The following MOB1B variants were observed in gnomAD, a reference collection of about 807,000 sequenced individuals.
The protein encoded by MOB1B is MOB kinase activator 1B.
Under a neutral mutation model 24.4 loss-of-function variants are expected in MOB1B, and 19 were observed. That is an observed-to-expected ratio of 0.78 (90% CI 0.54 to 1.14). MOB1B has a LOEUF of 1.14. Ranked by LOEUF, MOB1B falls within the 50% of genes most tolerant of loss-of-function variation. The pLI is 0.00. For missense variants in MOB1B, 243 were observed against 259.6 expected (o/e 0.94, Z 0.44); for synonymous variants, 76 against 82.1 (o/e 0.93, Z 0.40).
intron 1 of MOB1B, among the ~76,000 whole-genome samples, chr4:70,929,836 G>T (rs996366358): frequency 7.3e-5 from 11 of 151,686 alleles, no homozygotes; most frequent in African/African-American, 2.2e-4. Flanking sequence ...TAGTAGAGAC[G>T]GGGTTTCGCC....
chr4:70,905,821 T>G (rs1229188357), intron 1 of MOB1B, among the ~76,000 whole-genome samples: 1 of 151,838 alleles, frequency 6.6e-6, no homozygotes, highest in African/African-American at 2.4e-5. Context: ...TTCCAACACT[T>G]TGGGAGGCTG....
intron 1 of MOB1B, among the ~76,000 whole-genome samples, chr4:70,928,105 T>G (rs2148877317): frequency 6.6e-6 from 1 of 152,238 alleles, no homozygotes; most frequent in Admixed American, 6.5e-5. Context: ...TTAGATACCA[T>G]TTCAGTGCCC....
In MOB1B at chr4:70,979,181, C is replaced by T. The variant is rs1739109845; in HGVS notation, c.463C>T (p.Leu155Phe). The T allele has an allele frequency of 6.8e-6, 11 of 1,613,834 alleles. No individual in the cohort carries two copies. Among genetic ancestry groups the T allele is most frequent in the Non-Finnish European group, 9.3e-6 (11 of 1,179,838 alleles). Residue 155 changes from leucine to phenylalanine, a missense_variant, in exon 5 of 6, where the codon CTC (leucine) becomes TTC (phenylalanine). Leu to Phe is a conservative substitution (Grantham distance 22). Coordinates refer to ENST00000309395, the MANE Select transcript of MOB1B (RefSeq NM_173468.4). ...TGTGGCAAAAACTATACTCAAACGC[C>T]TCTTTAGGGTTTATGCTCACATTTA... ...MSVAKTILKR[L>F]FRVYAHIYHQ...
intron 1 of MOB1B, among the ~76,000 whole-genome samples, chr4:70,947,244 A>G (rs1737623364): frequency 1.3e-5 from 2 of 152,194 alleles, no homozygotes; most frequent in African/African-American, 4.8e-5. Context: ...AGGCAGGATC[A>G]AGACACTGGG....
chr4:70,952,717 A>G (rs1355878666), intron 1 of MOB1B, among the ~76,000 whole-genome samples: 1 of 151,470 alleles, frequency 6.6e-6, no homozygotes. Context: ...AGAAACTGTA[A>G]TTTCTTCTGA....
chr4:70,967,831 A>G, intron 2 of MOB1B, among the ~76,000 whole-genome samples: 3 of 152,234 alleles, frequency 2.0e-5, no homozygotes, highest in Middle Eastern at 3.4e-3. Flanking sequence ...TTTTAAAATT[A>G]AATTTTTATT....
rs11395356 is a variant in MOB1B at position 70,935,847 on chromosome 4, A to ATTT, written c.15-23007_15-23005dup. Among the ~76,000 whole-genome samples, 769 of 100,212 alleles carry ATTT rather than the reference A, an allele frequency of 7.7e-3. 19 individuals are homozygous for ATTT. The highest frequency in any genetic ancestry group is 0.017 in the African/African-American group (414 of 24,432). 65.7% of individuals were successfully genotyped at this position (100,212 alleles called of 152,430 possible). A position where few individuals can be genotyped will look rare whatever the true frequency, so the allele number is the denominator to read the frequency against. ...GTGTACCACCATGCCTGGTACACTAATTTTTTTTTTTTTTTTTTTTTTGAG... is the reference window on the plus strand; with the variant it reads ...GTGTACCACCATGCCTGGTACACTAATTTTTTTTTTTTTTTTTTTTTTTTTGAG... On this transcript the variant is annotated intron_variant, in intron 1 of 5. Coordinates refer to ENST00000309395, the MANE Select transcript of MOB1B (RefSeq NM_173468.4).
intron 1 of MOB1B, among the ~76,000 whole-genome samples, chr4:70,931,373 A>G (rs1736884168): frequency 6.6e-6 from 1 of 152,200 alleles, no homozygotes; most frequent in Admixed American, 6.5e-5. Context: ...GGTAGTTACA[A>G]AACTTATAAT....
At chr4:70,910,467 C>T in intron 1 of MOB1B, among the ~76,000 whole-genome samples, 1 of 150,778 alleles carries the variant, frequency 6.6e-6, no homozygotes, top group East Asian at 1.9e-4. Flanking sequence ...GTATGTATAT[C>T]TATATATATA....
chr4:70,983,532 T>C lies in MOB1B; in HGVS notation c.*1475T>C, dbSNP rs1739282911. 1 of 152,350 alleles carries C rather than the reference T, an allele frequency of 6.6e-6. No individual in the cohort carries two copies. The highest frequency in any genetic ancestry group is 2.4e-5 in the African/African-American group (1 of 41,458). 9.4% of individuals were successfully genotyped at this position (152,350 alleles called of 1,614,324 possible). On this transcript the variant is annotated 3_prime_UTR_variant, in exon 6 of 6. Transcript: ENST00000309395. The stretch of plus-strand genomic sequence containing the variant: ...CCTTTTTAGAAATCCAGTTTTAGTT[T>C]TGTCATTTTCGATAAATCTTTCTTC...
chr4:70,958,199 C>T (rs1459004656), intron 1 of MOB1B, among the ~76,000 whole-genome samples: 2 of 149,856 alleles, frequency 1.3e-5, no homozygotes, highest in African/African-American at 4.9e-5. Context: ...GAATCTCACT[C>T]TGCCGCCCAG....
chr4:70,976,626 T>G (rs1739007409), intron 4 of MOB1B: 18 of 982,752 alleles, frequency 1.8e-5, no homozygotes, highest in Non-Finnish European at 2.2e-5. Flanking sequence ...TTTACGATTT[T>G]TTTTGAAAAA....
chr4:70,984,473 A>C lies in MOB1B; in HGVS notation c.*2416A>C, dbSNP rs1739317473. ...TTGTTCTGCAGCAGAGTTTGCTGAT[A>C]AATGTCTGTTGGATTCTTTTTGGAT... On this transcript the variant is annotated 3_prime_UTR_variant, in exon 6 of 6. Coordinates refer to ENST00000309395, the MANE Select transcript of MOB1B (RefSeq NM_173468.4). The C allele has an allele frequency of 6.6e-6, 1 of 152,192 alleles. No homozygotes were observed. 9.4% of individuals were successfully genotyped at this position (152,192 alleles called of 1,614,324 possible).
At chr4:70,935,213 A>C (rs1001478108) in intron 1 of MOB1B, among the ~76,000 whole-genome samples, 1 of 152,110 alleles carries the variant, frequency 6.6e-6, no homozygotes, top group Non-Finnish European at 1.5e-5. Flanking sequence ...CCAACAAATG[A>C]CCCTATGTGG....
intron 1 of MOB1B, among the ~76,000 whole-genome samples, chr4:70,905,355 C>G (rs973339469): frequency 6.6e-6 from 1 of 151,838 alleles, no homozygotes; most frequent in Non-Finnish European, 1.5e-5. Flanking sequence ...CCTTTCATCT[C>G]AAACCCCCTC....
intron 2 of MOB1B, among the ~76,000 whole-genome samples, chr4:70,968,600 C>T (rs557050472): frequency 9.9e-5 from 15 of 152,224 alleles, no homozygotes; most frequent in African/African-American, 2.9e-4. Context: ...CGTGAGCCAC[C>T]GCGCCCAGCC....
intron 3 of MOB1B, among the ~76,000 whole-genome samples, chr4:70,971,907 T>C (rs1560663940): frequency 6.6e-6 from 1 of 151,840 alleles, no homozygotes. Context: ...CTCTTCTTTC[T>C]TCCTTCTTTC....
At chr4:70,902,127 G>A (rs914320991), upstream of MOB1B, among the ~76,000 whole-genome samples, 9 of 152,198 alleles carry the variant, frequency 5.9e-5, no homozygotes, top group African/African-American at 1.9e-4. Context: ...AGGGGGGCCG[G>A]GCAGCCGCGG....
intron 1 of MOB1B, among the ~76,000 whole-genome samples, chr4:70,931,076 A>T (rs1736874784): frequency 6.6e-6 from 1 of 150,948 alleles, no homozygotes; most frequent in Non-Finnish European, 1.5e-5. Flanking sequence ...CACACTGATA[A>T]CCACTAGCTG....
Sources: gnomAD v4.1 joint callset for allele counts (sites outside exome capture counted in the v4.1 genomes callset) on GRCh38, gnomAD v4.1.1 for gene constraint, MANE v1.5 for transcripts, NCBI Gene and HGNC (gene_info 2026-07-23, HGNC 2026-07-21) for gene names.